TMEM230: variants seen among roughly 807,000 people sequenced by gnomAD.
The protein encoded by TMEM230 is transmembrane protein 230.
TMEM230 carries 10 observed loss-of-function variants against 15.8 expected under a neutral mutation model. The observed-to-expected ratio is 0.63, with a 90% CI of 0.39 to 1.07. TMEM230 has a LOEUF of 1.07. Ranked by LOEUF, TMEM230 falls within the 50% of genes least tolerant of loss-of-function variation. The pLI is 0.01. For missense variants in TMEM230, 165 were observed against 193.3 expected (o/e 0.85, Z 0.87); for synonymous variants, 67 against 76.9 (o/e 0.87, Z 0.68).
intron 3 of TMEM230, among the ~76,000 whole-genome samples, chr20:5,077,234 GA>G (rs1270810340): frequency 6.6e-6 from 1 of 152,064 alleles, no homozygotes; most frequent in East Asian, 1.9e-4. Context: ...TTGAGCTCAG[GA>G]AAGTAGAGGC....
At chr20:5,089,245 C>T (rs777503488) in intron 3 of TMEM230, among the ~76,000 whole-genome samples, 3 of 151,966 alleles carry the variant, frequency 2.0e-5, no homozygotes, top group Non-Finnish European at 2.9e-5. Context: ...CGTGGTGGCA[C>T]GCACCTATAG....
downstream of TMEM230, among the ~76,000 whole-genome samples, chr20:5,066,726 G>A (rs1396449891): frequency 6.6e-6 from 1 of 151,652 alleles, no homozygotes; most frequent in Non-Finnish European, 1.5e-5. Context: ...CCTCCTCCTG[G>A]TTATTCACAC....
At chr20:5,080,686 C>T (rs983230004) in intron 3 of TMEM230, among the ~76,000 whole-genome samples, 1 of 152,044 alleles carries the variant, frequency 6.6e-6, no homozygotes, top group East Asian at 1.9e-4. Context: ...CCCGCCTCAG[C>T]CTCCTTAATA....
intron 3 of TMEM230, among the ~76,000 whole-genome samples, chr20:5,072,444 T>C (rs1211306647): frequency 6.6e-6 from 1 of 152,162 alleles, no homozygotes; most frequent in Non-Finnish European, 1.5e-5. Flanking sequence ...GCCACCCATG[T>C]TGGCCAAGAA....
At chr20:5,108,502 C>A (rs1448101718) in intron 3 of TMEM230, among the ~76,000 whole-genome samples, 2 of 151,406 alleles carry the variant, frequency 1.3e-5, no homozygotes, top group African/African-American at 2.4e-5. Flanking sequence ...AGCAAGTAAA[C>A]CTGCCTTATG....
chr20:5,062,071 A>C, the TMEM230 span, among the ~76,000 whole-genome samples: 6 of 151,884 alleles, frequency 4.0e-5, no homozygotes. Flanking sequence ...AATACAAAAA[A>C]ATTAGCCAGG....
chr20:5,081,628 C>T (rs2089177355), intron 3 of TMEM230, among the ~76,000 whole-genome samples: 1 of 152,160 alleles, frequency 6.6e-6, no homozygotes, highest in Non-Finnish European at 1.5e-5. Context: ...TAGCTGAGAA[C>T]AGGGAACAAA....
chr20:5,087,696 C>CT lies in TMEM230; in HGVS notation c.223-18348dup, dbSNP rs561757286. Among the ~76,000 whole-genome samples the CT allele has an allele frequency of 6.4e-3, 638 of 99,530 alleles. 6 individuals carry two copies. Among genetic ancestry groups the CT allele is most frequent in the African/African-American group, 0.016 (413 of 25,964 alleles). 65.3% of individuals were successfully genotyped at this position (99,530 alleles called of 152,430 possible). On this transcript the variant is annotated intron_variant, in intron 3 of 3. Coordinates refer to the TMEM230 transcript ENST00000612323. ...GGTAAATAGGCCAAAGAAAGTATGG[C>CT]TTTTTTTTTTTTTTTTTTTTTTCCT...
intron 3 of TMEM230, among the ~76,000 whole-genome samples, chr20:5,073,680 G>T (rs1199990600): frequency 6.6e-6 from 1 of 152,216 alleles, no homozygotes; most frequent in East Asian, 1.9e-4. Context: ...CTGAACAACG[G>T]CTTCCTCTCT....
In TMEM230 at chr20:5,107,829, A is replaced by G. The variant is rs865996458; in HGVS notation, c.288+1503T>C. Among the ~76,000 whole-genome samples the G allele has an allele frequency of 4.3e-3, 619 of 143,268 alleles. 7 individuals carry two copies. The highest frequency in any genetic ancestry group is 0.015 in the African/African-American group (588 of 39,376). 94.0% of individuals were successfully genotyped at this position (143,268 alleles called of 152,430 possible). On this transcript the variant is annotated intron_variant, in intron 3 of 4. Coordinates refer to ENST00000342308, the MANE Select transcript of TMEM230 (RefSeq NM_001009923.2). ...ACCCTGTCTCAAAAAAAAAAAAAAAAGGCTGGGCGCGGTGACTCACGCCTG... is the reference window on the plus strand; with the variant it reads ...ACCCTGTCTCAAAAAAAAAAAAAAAGGGCTGGGCGCGGTGACTCACGCCTG...
intron 3 of TMEM230, among the ~76,000 whole-genome samples, chr20:5,092,712 T>C (rs2089546546): frequency 2.4e-5 from 3 of 125,902 alleles, no homozygotes; most frequent in Non-Finnish European, 4.9e-5. Flanking sequence ...CAAAACTCCG[T>C]CTCAAAAAAA....
At chr20:5,099,496 A>G (rs182691488), downstream of TMEM230, among the ~76,000 whole-genome samples, 4 of 150,786 alleles carry the variant, frequency 2.7e-5, no homozygotes, top group African/African-American at 9.8e-5. Flanking sequence ...CTCCAACTAT[A>G]CTCACTCTAC....
chr20:5,102,796 C>T (rs1469303066), intron 4 of TMEM230, among the ~76,000 whole-genome samples: 1 of 151,520 alleles, frequency 6.6e-6, no homozygotes, highest in African/African-American at 2.4e-5. Context: ...TACCCTGATA[C>T]CAAAACTAGG....
intron 3 of TMEM230, among the ~76,000 whole-genome samples, chr20:5,107,581 A>G (rs906797605): frequency 4.6e-5 from 7 of 152,208 alleles, no homozygotes; most frequent in Middle Eastern, 3.2e-3. Context: ...TGTTAGATAT[A>G]TATTTATTAA....
Position 5,106,206 on chromosome 20 carries a change from T to C in TMEM230, c.393A>G (p.Ser131=). 6.2e-7 allele frequency: 1 copy of C among 1,611,788 alleles called. No individual in the cohort carries two copies. Among genetic ancestry groups the C allele is most frequent in the Non-Finnish European group, 8.5e-7 (1 of 1,179,334 alleles). The change falls in exon 4 of 5, where the codon TCA becomes TCG. Residue 131 remains serine, a synonymous_variant. Coordinates refer to ENST00000342308, the MANE Select transcript of TMEM230 (RefSeq NM_001009923.2). ...AGCTTACCCCTTTGCTGATGTAGCCTGACAGCAGGAGGGAGCCTATAATAA... is the reference window on the plus strand; with the variant it reads ...AGCTTACCCCTTTGCTGATGTAGCCCGACAGCAGGAGGGAGCCTATAATAA...
chr20:5,108,533 A>C (rs2090184500), intron 3 of TMEM230, among the ~76,000 whole-genome samples: 1 of 152,192 alleles, frequency 6.6e-6, no homozygotes, highest in Non-Finnish European at 1.5e-5. Flanking sequence ...ATTCAAGGTT[A>C]AGATTCAGAG....
chr20:5,076,282 T>A (rs949150411), intron 3 of TMEM230, among the ~76,000 whole-genome samples: 2 of 152,096 alleles, frequency 1.3e-5, no homozygotes, highest in Admixed American at 6.6e-5. Context: ...AGCTCACGCC[T>A]GTAATCCAGC....
downstream of TMEM230, among the ~76,000 whole-genome samples, chr20:5,096,269 C>T (rs2089662381): frequency 6.6e-6 from 1 of 152,250 alleles, no homozygotes; most frequent in Non-Finnish European, 1.5e-5. Flanking sequence ...TCTCAAACAG[C>T]AGCTTACTTT....
intron 3 of TMEM230, among the ~76,000 whole-genome samples, chr20:5,108,420 C>CAAAAAAAAA (rs556966217): frequency 1.3e-5 from 1 of 79,862 alleles, no homozygotes. Context: ...ACTCCGTCTC[C>CAAAAAAAAA]AAAAAAAAAA....
Sources: allele counts gnomAD v4.1 joint callset (sites outside exome capture counted in the v4.1 genomes callset), GRCh38; gene constraint gnomAD v4.1.1; transcripts MANE v1.5; gene names NCBI Gene and HGNC (gene_info 2026-07-23, HGNC 2026-07-21).